Variants in TENM4 observed in about 807,000 individuals in gnomAD.
The protein encoded by TENM4 is teneurin-4.
TENM4 carries 82 observed loss-of-function variants against 243.3 expected under a neutral mutation model. That is an observed-to-expected ratio of 0.34 (90% CI 0.28 to 0.40). The LOEUF (loss-of-function observed/expected upper bound fraction) is 0.40, where lower values mean the gene tolerates loss of function less well. TENM4 is among the 10% of genes least tolerant of loss of function. The pLI is 1.00. For missense variants in TENM4, 3,138 were observed against 3,673.3 expected (o/e 0.85, Z 3.77); for synonymous variants, 1,412 against 1,456.3 (o/e 0.97, Z 0.69).
chr11:78,972,297 C>A (rs1857561862), intron 6 of TENM4, among the ~76,000 whole-genome samples: 2 of 152,060 alleles, frequency 1.3e-5, no homozygotes, highest in Non-Finnish European at 2.9e-5. Flanking sequence ...TCCGGCAGCT[C>A]CCACTAAGTC....
chr11:79,174,438 T>A (rs1863116032), intron 3 of TENM4, among the ~76,000 whole-genome samples: 1 of 152,226 alleles, frequency 6.6e-6, no homozygotes, highest in South Asian at 2.1e-4. Context: ...GTCTTCAGAC[T>A]GATTTAAAAT....
chr11:78,947,924 G>A (rs1436799864), intron 6 of TENM4, among the ~76,000 whole-genome samples: 11 of 152,150 alleles, frequency 7.2e-5, no homozygotes, highest in Admixed American at 2.0e-4. Flanking sequence ...TCCAAGAGGC[G>A]AAGTCAATGC....
At chr11:78,762,050 T>G (rs1856441482) in intron 18 of TENM4, among the ~76,000 whole-genome samples, 2 of 152,198 alleles carry the variant, frequency 1.3e-5, no homozygotes, top group East Asian at 3.8e-4. Flanking sequence ...CACGAACAGT[T>G]GTACCCTGTC....
chr11:79,370,619 T>A (rs1360936761), intron 1 of TENM4, among the ~76,000 whole-genome samples: 1 of 151,900 alleles, frequency 6.6e-6, no homozygotes, highest in Non-Finnish European at 1.5e-5. Context: ...AGCGTGGGGC[T>A]TCTGTTGGGA....
intron 3 of TENM4, among the ~76,000 whole-genome samples, chr11:79,149,281 A>G (rs966281718): frequency 2.6e-5 from 4 of 151,884 alleles, no homozygotes; most frequent in Non-Finnish European, 4.4e-5. Flanking sequence ...TGACTGCACA[A>G]CTCTGGGCTG....
chr11:78,879,439 G>A (rs1170598616), intron 9 of TENM4, among the ~76,000 whole-genome samples: 3 of 143,250 alleles, frequency 2.1e-5, no homozygotes, highest in East Asian at 4.4e-4. Context: ...CCGTCTGGGA[G>A]GTGGGGAGTG....
At chr11:78,960,269 A>T (rs559415950) in intron 6 of TENM4, among the ~76,000 whole-genome samples, 1 of 152,074 alleles carries the variant, frequency 6.6e-6, no homozygotes, top group African/African-American at 2.4e-5. Context: ...GCACTGAGAA[A>T]AAAGGAGGAG....
At chr11:78,801,088 A>T (rs1276824839) in intron 15 of TENM4, among the ~76,000 whole-genome samples, 2 of 152,132 alleles carry the variant, frequency 1.3e-5, no homozygotes, top group African/African-American at 4.8e-5. Context: ...AGAAAGAGAG[A>T]TAAGAATGGC....
intron 1 of TENM4, among the ~76,000 whole-genome samples, chr11:79,346,341 G>A: frequency 6.6e-6 from 1 of 152,122 alleles, no homozygotes; most frequent in South Asian, 2.1e-4. Flanking sequence ...TTTATAAAAT[G>A]AGAATTACAA....
intron 5 of TENM4, chr11:79,067,944 G>C (rs1380498285): frequency 6.6e-6 from 1 of 152,132 alleles, no homozygotes; most frequent in Non-Finnish European, 1.5e-5. Context: ...GAGGATCCAG[G>C]GTGATAATTT....
chr11:79,317,138 C>A (rs1381163132), intron 1 of TENM4, among the ~76,000 whole-genome samples: 4 of 152,166 alleles, frequency 2.6e-5, no homozygotes, highest in African/African-American at 9.7e-5. Flanking sequence ...ATACTGAGCT[C>A]AATATTCCCA....
At chr11:79,341,876 C>T (rs1477395267) in intron 1 of TENM4, among the ~76,000 whole-genome samples, 1 of 152,198 alleles carries the variant, frequency 6.6e-6, no homozygotes, top group East Asian at 1.9e-4. Context: ...ATAGTCCAGA[C>T]TATAATAACT....
chr11:79,091,325 C>T (rs79208869), intron 4 of TENM4, among the ~76,000 whole-genome samples: 1,970 of 152,098 alleles, frequency 0.013, 49 homozygotes, highest in African/African-American at 0.045. Flanking sequence ...TTAAGAAGTC[C>T]GTCATAAATG....
At chr11:78,809,874 C>T (rs1857461126) in intron 14 of TENM4, among the ~76,000 whole-genome samples, 1 of 152,180 alleles carries the variant, frequency 6.6e-6, no homozygotes, top group Non-Finnish European at 1.5e-5. Flanking sequence ...CCCAAAAATG[C>T]CATGCTTCAG....
intron 3 of TENM4, among the ~76,000 whole-genome samples, chr11:79,155,473 T>C (rs543690871): frequency 6.6e-6 from 1 of 152,182 alleles, no homozygotes; most frequent in South Asian, 2.1e-4. Flanking sequence ...CATTTCCTCA[T>C]ATTAACCCCA....
At chr11:78,854,864 A>G (rs1449799110) in intron 11 of TENM4, among the ~76,000 whole-genome samples, 5 of 152,094 alleles carry the variant, frequency 3.3e-5, no homozygotes, top group Non-Finnish European at 7.4e-5. Context: ...AGTTTCAGGG[A>G]GCAAATTTAG....
intron 12 of TENM4, among the ~76,000 whole-genome samples, chr11:78,826,244 C>T (rs112413591): frequency 4.2e-4 from 64 of 152,102 alleles, no homozygotes; most frequent in African/African-American, 1.3e-3. Context: ...TGTGCCACCA[C>T]GCCTGGCTAA....
intron 1 of TENM4, among the ~76,000 whole-genome samples, chr11:79,334,125 T>C (rs483793): frequency 0.84 from 127,816 of 152,246 alleles, 54,307 homozygotes; most frequent in African/African-American, 0.95. Flanking sequence ...ACAAAGTAAA[T>C]GGAATGAGAG....
chr11:79,351,818 T>A (rs1054390578), intron 1 of TENM4, among the ~76,000 whole-genome samples: 9 of 152,182 alleles, frequency 5.9e-5, no homozygotes, highest in Non-Finnish European at 1.2e-4. Flanking sequence ...CATCCCTTTT[T>A]TCTGTTGAGG....
Sources: allele counts gnomAD v4.1 joint callset (sites outside exome capture counted in the v4.1 genomes callset), GRCh38; gene constraint gnomAD v4.1.1; transcripts MANE v1.5; gene names NCBI Gene and HGNC (gene_info 2026-07-23, HGNC 2026-07-21).